Variants in SLC8A3 observed in about 807,000 individuals in gnomAD.
SLC8A3 encodes the protein sodium/calcium exchanger 3.
SLC8A3 carries 37 observed loss-of-function variants against 65.4 expected under a neutral mutation model. The ratio of observed to expected loss-of-function variants is 0.57; its 90% CI spans 0.44 to 0.74. The LOEUF is 0.74. Ranked by LOEUF, SLC8A3 falls within the 30% of genes least tolerant of loss-of-function variation. SLC8A3 has a pLI of 0.00. For synonymous variants in SLC8A3, 461 were observed against 444.5 expected, an observed-to-expected ratio of 1.04 and a Z score of -0.47; for missense variants, 1,112 against 1,172.1, an observed-to-expected ratio of 0.95 and a Z score of 0.75.
upstream of SLC8A3, chr14:70,188,969 C>G (rs1368574035): frequency 6.6e-6 from 1 of 152,178 alleles, no homozygotes; most frequent in Non-Finnish European, 1.5e-5. Context: ...TCTGGGCGAG[C>G]GGAGAGCTTT....
intron 2 of SLC8A3, among the ~76,000 whole-genome samples, chr14:70,126,547 T>TTCTC (rs36183214): frequency 0.017 from 2,064 of 118,054 alleles, 31 homozygotes; most frequent in South Asian, 0.045. Context: ...AGAAAGAAAA[T>TTCTC]TCTCTCTCTC....
At chr14:70,107,338 T>C (rs1391184080) in intron 2 of SLC8A3, among the ~76,000 whole-genome samples, 2 of 152,128 alleles carry the variant, frequency 1.3e-5, no homozygotes, top group African/African-American at 4.8e-5. Context: ...GCTGATACTT[T>C]TTATCAGAAT....
In SLC8A3 at chr14:70,046,338, A is replaced by C; in HGVS notation, c.2390-15T>G. ...GGCAAACGTATCTGGAAAAGGACAA[A>C]GACACATGGGAACTGGTAGGAGGCT... On this transcript the variant is annotated splice_polypyrimidine_tract_variant and intron_variant, in intron 6 of 6. Transcript: ENST00000356921. This position sits in a 1 kb window ranked among gnomAD's most constrained non-coding sequence, Gnocchi z 4.2. 6.3e-7 allele frequency: 1 copy of C among 1,590,910 alleles called. No individual in the cohort carries two copies. Among genetic ancestry groups the C allele is most frequent in the Non-Finnish European group, 8.6e-7 (1 of 1,167,260 alleles).
At chr14:70,171,757 G>A (rs963547370) in intron 1 of SLC8A3, among the ~76,000 whole-genome samples, 13 of 152,240 alleles carry the variant, frequency 8.5e-5, no homozygotes, top group Admixed American at 2.6e-4. Context: ...CCAAGATCGC[G>A]CCATTGCACT....
intron 2 of SLC8A3, among the ~76,000 whole-genome samples, chr14:70,088,237 C>T (rs561929993): frequency 6.6e-6 from 1 of 152,342 alleles, no homozygotes; most frequent in East Asian, 1.9e-4. Context: ...AGATATACAT[C>T]TGTTTGGTGT....
At chr14:70,115,346 T>C (rs955727003) in intron 2 of SLC8A3, among the ~76,000 whole-genome samples, 5 of 152,216 alleles carry the variant, frequency 3.3e-5, no homozygotes, top group African/African-American at 7.2e-5. Flanking sequence ...AATTACCTTT[T>C]GCAAAGATGA....
chr14:70,188,857 T>TCC lies in SLC8A3; in HGVS notation c.-543_-542dup, dbSNP rs1883583235. 1 of 151,922 alleles carries TCC rather than the reference T, an allele frequency of 6.6e-6. No homozygotes were observed. Among genetic ancestry groups the TCC allele is most frequent in the Admixed American group, 6.5e-5 (1 of 15,272 alleles). The allele number at this position is 151,922 out of a possible 1,614,324, so 9.4% of individuals were successfully genotyped here. A position where few individuals can be genotyped will look rare whatever the true frequency, so the allele number is the denominator to read the frequency against. On this transcript the variant is annotated 5_prime_UTR_variant, in exon 1 of 7. Transcript: ENST00000356921. ...GCTTGCGGTCGCGTCGCCTGGGCTTTCCCTGGGCTGGGAGCGCGCCGGGTC... is the reference window on the plus strand; with the variant it reads ...GCTTGCGGTCGCGTCGCCTGGGCTTTCCCCCTGGGCTGGGAGCGCGCCGGGTC...
In SLC8A3 at chr14:70,166,673, A is replaced by T; in HGVS notation, c.1750T>A (p.Tyr584Asn). Residue 584 changes from tyrosine (Y) to asparagine (N), a missense_variant, in exon 2 of 7, where the codon TAT (tyrosine) becomes AAT (asparagine). Coordinates refer to ENST00000356921, the MANE Select transcript of SLC8A3 (RefSeq NM_182932.3). ...KGGGEDFEDT[Y>N]GELEFKNDET... ...TCATTCTTGAATTCCAACTCCCCAT[A>T]TGTGTCTTCAAAGTCCTCACCGCCA... The T allele has an allele frequency of 6.2e-7, 1 of 1,610,296 alleles. No individual in the cohort carries two copies. Among genetic ancestry groups the T allele is most frequent in the South Asian group, 1.1e-5 (1 of 90,494 alleles).
chr14:70,160,728 T>C (rs1896831856), intron 2 of SLC8A3, among the ~76,000 whole-genome samples: 1 of 151,986 alleles, frequency 6.6e-6, no homozygotes, highest in African/African-American at 2.4e-5. Context: ...CTAAAACAAA[T>C]TAACCAGGAG....
intron 1 of SLC8A3, chr14:70,187,332 G>GGGGA (rs1555386610): frequency 3.9e-5 from 6 of 154,252 alleles, no homozygotes; most frequent in African/African-American, 1.5e-4. Flanking sequence ...GGGGGCGGGG[G>GGGGA]GAGAGAGAGA....
At chr14:70,112,038 A>C (rs1893338054) in intron 2 of SLC8A3, among the ~76,000 whole-genome samples, 1 of 152,218 alleles carries the variant, frequency 6.6e-6, no homozygotes, top group Non-Finnish European at 1.5e-5. Flanking sequence ...TTCTCTTTTT[A>C]GTAGGGTAGA....
Position 70,166,759 on chromosome 14 carries a change from G to A in SLC8A3, c.1664C>T (p.Thr555Ile), listed in dbSNP as rs769544455. The A allele has an allele frequency of 3.7e-6, 6 of 1,613,966 alleles. No homozygotes were observed. The highest frequency in any genetic ancestry group is 2.2e-5 in the East Asian group (1 of 44,878). ...GATGACTGTACCCCGGGCACCTGAT[G>A]TCCGCAGAACCTTGACCTCCATAAC... ...IGVMEVKVLR[T>I]SGARGTVIVP... is the part of the protein sequence containing the mutation. The change falls in exon 2 of 7, where the codon ACA becomes ATA. Residue 555 changes from threonine to isoleucine, a missense_variant. Physicochemically the swap from Thr to Ile is moderately conservative, Grantham distance 89. Coordinates refer to ENST00000356921, the MANE Select transcript of SLC8A3 (RefSeq NM_182932.3).
At chr14:70,174,683 T>C (rs1484246112) in intron 1 of SLC8A3, among the ~76,000 whole-genome samples, 1 of 132,658 alleles carries the variant, frequency 7.5e-6, no homozygotes, top group East Asian at 2.0e-4. Context: ...TTTTTTTTTT[T>C]TTTTTTTGCC....
At chr14:70,110,199 T>C (rs1893184816) in intron 2 of SLC8A3, among the ~76,000 whole-genome samples, 1 of 152,184 alleles carries the variant, frequency 6.6e-6, no homozygotes, top group African/African-American at 2.4e-5. Context: ...GCAAACAATT[T>C]AGTTATACTC....
chr14:70,049,762 G>T (rs765894268), intron 5 of SLC8A3, among the ~76,000 whole-genome samples: 1 of 152,220 alleles, frequency 6.6e-6, no homozygotes, highest in Non-Finnish European at 1.5e-5. Context: ...CCTGACTGCT[G>T]CAATAACCAT....
intron 2 of SLC8A3, among the ~76,000 whole-genome samples, chr14:70,154,801 T>C (rs1422430267): frequency 6.6e-6 from 1 of 152,240 alleles, no homozygotes; most frequent in Non-Finnish European, 1.5e-5. Context: ...TTATTTTTAG[T>C]TGACACATAA....
At chr14:70,096,289 T>C (rs1892173057) in intron 2 of SLC8A3, among the ~76,000 whole-genome samples, 1 of 152,210 alleles carries the variant, frequency 6.6e-6, no homozygotes, top group African/African-American at 2.4e-5. Flanking sequence ...TCCTACCCTG[T>C]GTTTGGATGG....
At chr14:70,187,599 CTGTGTGTGTGTGTGTGTG>C (rs3053393) in intron 1 of SLC8A3, among the ~76,000 whole-genome samples, 162 of 118,290 alleles carry the variant, frequency 1.4e-3, no homozygotes, top group East Asian at 8.7e-3. Context: ...AGGGCTTTGA[CTGTGTGTGTGTGTGTGTG>C]TGTGTGTGTG....
chr14:70,090,425 C>T (rs567170440), intron 2 of SLC8A3, among the ~76,000 whole-genome samples: 10 of 152,258 alleles, frequency 6.6e-5, no homozygotes, highest in South Asian at 6.2e-4. Context: ...GATAAAAGAA[C>T]GGTGCATTGG....
Sources: gnomAD v4.1 joint callset for allele counts (sites outside exome capture counted in the v4.1 genomes callset) on GRCh38, gnomAD v4.1.1 for gene constraint, Gnocchi (gnomAD v3.1) non-coding constraint, MANE v1.5 for transcripts, NCBI Gene and HGNC (gene_info 2026-07-23, HGNC 2026-07-21) for gene names.